TENM4: variants seen among roughly 807,000 people sequenced by gnomAD.
The protein encoded by TENM4 is teneurin transmembrane protein 4, also known as teneurin-4.
A neutral mutation model predicts 243.3 loss-of-function variants in TENM4; 82 were observed. The observed-to-expected ratio is 0.34, with a 90% CI of 0.28 to 0.40. The LOEUF is 0.40. Among genes scored for constraint, TENM4 ranks in the 10% least tolerant of loss-of-function variants. The probability of loss-of-function intolerance (pLI) is 1.00; values close to 1 mark genes in which losing one functional copy is unlikely to be tolerated. For synonymous variants in TENM4, 1,412 were observed against 1,456.3 expected (o/e 0.97, Z 0.69); for missense variants, 3,138 against 3,673.3 (o/e 0.85, Z 3.77).
chr11:78,903,543 G>C lies in TENM4; in HGVS notation c.494-20C>G. 1 of 1,543,256 alleles carries C rather than the reference G, an allele frequency of 6.5e-7. No individual in the cohort carries two copies. The highest frequency in any genetic ancestry group is 8.7e-7 in the Non-Finnish European group (1 of 1,146,592). Reference sequence around the variant, plus strand: ...GATGATCTAGGGCACAAACATGGCGGTCAGCGGCGGTGAGCTTGGTGCTGC... The same window carrying C: ...GATGATCTAGGGCACAAACATGGCGCTCAGCGGCGGTGAGCTTGGTGCTGC... On this transcript the variant is annotated intron_variant, in intron 6 of 33. Coordinates refer to ENST00000278550, the MANE Select transcript of TENM4 (RefSeq NM_001098816.3).
chr11:78,730,993 A>T (rs930278777), intron 21 of TENM4, among the ~76,000 whole-genome samples: 1 of 152,206 alleles, frequency 6.6e-6, no homozygotes, highest in African/African-American at 2.4e-5. Flanking sequence ...TTTAAAATTC[A>T]TATCTCCCAG....
intron 18 of TENM4, among the ~76,000 whole-genome samples, chr11:78,768,818 C>A (rs977629538): frequency 1.3e-5 from 2 of 152,182 alleles, no homozygotes; most frequent in Admixed American, 6.5e-5. Context: ...TCTCTCTCCC[C>A]CCGAGCTGTG....
At position 78,942,763 on chromosome 11, in the gene TENM4, C is replaced by T. The variant is rs74870574; in HGVS notation, c.494-39240G>A. 1.1e-4 allele frequency among the ~76,000 whole-genome samples: 16 copies of T among 151,476 alleles called. No homozygotes were observed. The East Asian group carries it at 3.1e-3, about 29-fold the overall frequency. Reference sequence around the variant, plus strand: ...TTTTCACAAATACTACCTCATTTGCCTCCCTCTCCCCCTCCTACGTAAAAT... The same window carrying T: ...TTTTCACAAATACTACCTCATTTGCTTCCCTCTCCCCCTCCTACGTAAAAT... On this transcript the variant is annotated intron_variant, in intron 6 of 33. Transcript: ENST00000278550.
intron 27 of TENM4, among the ~76,000 whole-genome samples, chr11:78,702,891 G>T (rs1859142349): frequency 6.6e-6 from 1 of 152,160 alleles, no homozygotes; most frequent in Non-Finnish European, 1.5e-5. Flanking sequence ...AGTAGGAGTT[G>T]TTCAGAGGCT....
chr11:79,065,802 G>T (rs1316067426), intron 5 of TENM4, among the ~76,000 whole-genome samples: 1 of 152,218 alleles, frequency 6.6e-6, no homozygotes, highest in African/African-American at 2.4e-5. Context: ...GTAAGAGAAG[G>T]TCACCTAGGA....
At chr11:79,319,396 T>C (rs540610632) in intron 1 of TENM4, among the ~76,000 whole-genome samples, 1 of 152,278 alleles carries the variant, frequency 6.6e-6, no homozygotes, top group South Asian at 2.1e-4. Context: ...GAAACTTAAA[T>C]TGAACTCAGA....
At chr11:79,231,650 C>T (rs543816285) in intron 2 of TENM4, among the ~76,000 whole-genome samples, 59 of 152,352 alleles carry the variant, frequency 3.9e-4, no homozygotes, top group Non-Finnish European at 5.9e-4. Context: ...ATGATACCCA[C>T]CCTCAGAGCA....
chr11:79,368,183 G>A (rs1229116930), intron 1 of TENM4, among the ~76,000 whole-genome samples: 1 of 152,200 alleles, frequency 6.6e-6, no homozygotes, highest in East Asian at 1.9e-4. Context: ...CCACCACAGA[G>A]AAGCCAAGAG....
At chr11:78,934,226 T>A (rs549143443) in intron 6 of TENM4, among the ~76,000 whole-genome samples, 2 of 152,292 alleles carry the variant, frequency 1.3e-5, no homozygotes, top group Non-Finnish European at 2.9e-5. Flanking sequence ...TATTCACGCA[T>A]TCATTTGTTC....
At chr11:78,714,993 T>C (rs1372243430) in intron 25 of TENM4, among the ~76,000 whole-genome samples, 1 of 152,254 alleles carries the variant, frequency 6.6e-6, no homozygotes, top group African/African-American at 2.4e-5. Context: ...TTCGTTTTTG[T>C]TTTTCCAATG....
intron 4 of TENM4, among the ~76,000 whole-genome samples, chr11:79,128,823 G>A (rs990102575): frequency 6.6e-6 from 1 of 152,218 alleles, no homozygotes; most frequent in Non-Finnish European, 1.5e-5. Flanking sequence ...CAAATGGTCT[G>A]GCTGGATGGT....
Position 78,701,867 on chromosome 11 carries a change from A to G in TENM4, c.4746T>C (p.Ile1582=). The stretch of plus-strand genomic sequence containing the variant: ...TATCAAACAGATAGAGCTCCTGGTC[A>G]ATTGGTGAAGACAGCTCATACATGT... ...TQNMYELSSP[I]DQELYLFDTT... is the part of the protein sequence containing the mutation. Residue 1582 remains isoleucine (I), a synonymous_variant, in exon 28 of 34, where the codon ATT becomes ATC. Transcript: ENST00000278550. 1 of 1,614,000 alleles carries G rather than the reference A, an allele frequency of 6.2e-7. No homozygotes were observed. The highest frequency in any genetic ancestry group is 1.1e-5 in the South Asian group (1 of 91,082).
intron 2 of TENM4, among the ~76,000 whole-genome samples, chr11:79,276,424 G>A (rs1190856157): frequency 6.6e-6 from 1 of 152,232 alleles, no homozygotes; most frequent in Non-Finnish European, 1.5e-5. Flanking sequence ...TGTTCACAGA[G>A]GGGGACACTG....
chr11:78,768,940 T>C (rs979482819), intron 18 of TENM4, among the ~76,000 whole-genome samples: 4 of 152,206 alleles, frequency 2.6e-5, no homozygotes, highest in Non-Finnish European at 5.9e-5. Flanking sequence ...TTGCATTTCA[T>C]GGGAGAGAAT....
chr11:79,118,468 C>A (rs771666720), intron 4 of TENM4, among the ~76,000 whole-genome samples: 1 of 152,182 alleles, frequency 6.6e-6, no homozygotes, highest in African/African-American at 2.4e-5. Flanking sequence ...TACATTCACA[C>A]TACTGTGCTG....
chr11:79,244,317 T>C (rs1174774456), intron 2 of TENM4, among the ~76,000 whole-genome samples: 1 of 152,216 alleles, frequency 6.6e-6, no homozygotes, highest in Non-Finnish European at 1.5e-5. Context: ...CTTAGGCCTT[T>C]CTGTGTTCTG....
At chr11:79,088,314 T>C (rs1043705538) in intron 4 of TENM4, among the ~76,000 whole-genome samples, 6 of 152,112 alleles carry the variant, frequency 3.9e-5, no homozygotes, top group Non-Finnish European at 1.5e-5. Flanking sequence ...GGAAAGCTCC[T>C]TCACATCTCA....
At chr11:78,761,898 C>G (rs766581846) in intron 18 of TENM4, among the ~76,000 whole-genome samples, 1 of 152,142 alleles carries the variant, frequency 6.6e-6, no homozygotes, top group Non-Finnish European at 1.5e-5. Context: ...TTCTGAGTCT[C>G]CCTGGCGCTG....
At chr11:78,864,383 G>A (rs914854985) in intron 9 of TENM4, among the ~76,000 whole-genome samples, 114 of 120,188 alleles carry the variant, frequency 9.5e-4, no homozygotes, top group South Asian at 3.7e-3. Flanking sequence ...GCAGTGAGCC[G>A]AGATCCCGCC....
Sources: allele counts gnomAD v4.1 joint callset (sites outside exome capture counted in the v4.1 genomes callset), GRCh38; gene constraint gnomAD v4.1.1; transcripts MANE v1.5; gene names NCBI Gene and HGNC (gene_info 2026-07-23, HGNC 2026-07-21).